MAPK4: variants seen among roughly 807,000 people sequenced by gnomAD.
The protein encoded by MAPK4 is Erk3-related.
A neutral mutation model predicts 47.7 loss-of-function variants in MAPK4; 22 were observed. That is an observed-to-expected ratio of 0.46 (90% CI 0.33 to 0.66). MAPK4 has a LOEUF of 0.66. Ranked by LOEUF, MAPK4 falls within the 30% of genes least tolerant of loss-of-function variation. MAPK4 has a pLI of 0.02. For synonymous variants in MAPK4, 390 were observed against 365.7 expected (o/e 1.07, Z -0.76); for missense variants, 736 against 831.7 (o/e 0.88, Z 1.42).
At chr18:50,657,466 C>A (rs2043121987) in intron 1 of MAPK4, among the ~76,000 whole-genome samples, 1 of 152,138 alleles carries the variant, frequency 6.6e-6, no homozygotes, top group Non-Finnish European at 1.5e-5. Flanking sequence ...AGGCCGGAGT[C>A]ATTGTGTAAT....
intron 1 of MAPK4, among the ~76,000 whole-genome samples, chr18:50,571,743 A>G (rs1175666348): frequency 6.6e-6 from 1 of 152,226 alleles, no homozygotes; most frequent in African/African-American, 2.4e-5. Context: ...TCTGCTAATA[A>G]GAGATAATAT....
chr18:50,626,081 A>C (rs1239947558), intron 1 of MAPK4, among the ~76,000 whole-genome samples: 4 of 152,124 alleles, frequency 2.6e-5, no homozygotes, highest in Non-Finnish European at 5.9e-5. Flanking sequence ...ATTCCTTCTC[A>C]CTCAGGGGAA....
chr18:50,626,844 G>A (rs995120280), intron 1 of MAPK4, among the ~76,000 whole-genome samples: 4 of 152,138 alleles, frequency 2.6e-5, no homozygotes, highest in Non-Finnish European at 1.5e-5. Flanking sequence ...GACTCTTTGC[G>A]CTTGCACGTG....
chr18:50,709,669 T>C (rs892568065), intron 2 of MAPK4, among the ~76,000 whole-genome samples: 12 of 152,026 alleles, frequency 7.9e-5, no homozygotes, highest in East Asian at 3.9e-4. Flanking sequence ...AAGCATGTCA[T>C]TGGGGATGGG....
chr18:50,575,163 T>C (rs35818539), intron 1 of MAPK4, among the ~76,000 whole-genome samples: 9,108 of 152,274 alleles, frequency 0.06, 357 homozygotes, highest in Non-Finnish European at 0.087. Context: ...GTTTGGTCCC[T>C]TTCTTGCCTT....
intron 1 of MAPK4, among the ~76,000 whole-genome samples, chr18:50,654,000 T>C (rs568992155): frequency 6.6e-6 from 1 of 152,338 alleles, no homozygotes; most frequent in East Asian, 1.9e-4. Context: ...AGGACTTTGA[T>C]TCTCCTGGCT....
chr18:50,606,786 A>T (rs2042586580), intron 1 of MAPK4, among the ~76,000 whole-genome samples: 1 of 152,228 alleles, frequency 6.6e-6, no homozygotes, highest in African/African-American at 2.4e-5. Flanking sequence ...GTGTGGCAGT[A>T]AAACTTCATG....
At chr18:50,615,223 C>T (rs1289493899) in intron 1 of MAPK4, among the ~76,000 whole-genome samples, 1 of 152,066 alleles carries the variant, frequency 6.6e-6, no homozygotes, top group African/African-American at 2.4e-5. Context: ...TCCAGGGCTT[C>T]CTGATGAAGG....
At chr18:50,694,137 C>T (rs1406073444) in intron 2 of MAPK4, among the ~76,000 whole-genome samples, 2 of 152,218 alleles carry the variant, frequency 1.3e-5, no homozygotes, top group Admixed American at 6.5e-5. Context: ...CAAAGAAAGT[C>T]GTGGGCTGTG....
At chr18:50,706,306 A>C (rs1488615294) in intron 2 of MAPK4, among the ~76,000 whole-genome samples, 2 of 152,094 alleles carry the variant, frequency 1.3e-5, no homozygotes, top group African/African-American at 2.4e-5. Context: ...AGGTGAACTC[A>C]AGACCTCTAG....
intron 1 of MAPK4, among the ~76,000 whole-genome samples, chr18:50,651,963 A>G (rs1013629817): frequency 6.6e-6 from 1 of 152,220 alleles, no homozygotes; most frequent in African/African-American, 2.4e-5. Flanking sequence ...ACCAGCCCCT[A>G]CAGCCCACTT....
At position 50,678,324 on chromosome 18, in the gene MAPK4, G is replaced by C. The variant is rs773939948; in HGVS notation, c.546+13820G>C. Among the ~76,000 whole-genome samples, 1 of 152,192 alleles carries C rather than the reference G, an allele frequency of 6.6e-6. No individual in the cohort carries two copies. Among genetic ancestry groups the C allele is most frequent in the African/African-American group, 2.4e-5 (1 of 41,446 alleles). On this transcript the variant is annotated intron_variant, in intron 2 of 5. Coordinates refer to ENST00000400384, the MANE Select transcript of MAPK4 (RefSeq NM_002747.4). This position sits in a 1 kb window ranked among gnomAD's most constrained non-coding sequence, Gnocchi z 4.2. ...AGAATACAGAGCCCCCTTAAATGTTGACACATTTGCAATTTGGCCAAAGCC... is the reference window on the plus strand; with the variant it reads ...AGAATACAGAGCCCCCTTAAATGTTCACACATTTGCAATTTGGCCAAAGCC...
intron 4 of MAPK4, among the ~76,000 whole-genome samples, chr18:50,723,002 G>C (rs181176736): frequency 3.2e-4 from 49 of 152,314 alleles, no homozygotes; most frequent in African/African-American, 1.1e-3. Context: ...CGGGGAGGGT[G>C]AGCCTAGGGA....
intron 2 of MAPK4, among the ~76,000 whole-genome samples, chr18:50,703,022 T>A (rs1909872042): frequency 6.6e-6 from 1 of 152,228 alleles, no homozygotes. Flanking sequence ...GCAGAAAAGA[T>A]GTGGTTCCCT....
chr18:50,622,740 A>G (rs2042743520), intron 1 of MAPK4, among the ~76,000 whole-genome samples: 1 of 152,252 alleles, frequency 6.6e-6, no homozygotes, highest in African/African-American at 2.4e-5. Flanking sequence ...TGTTTAAAGA[A>G]TAATAATGAA....
At chr18:50,596,768 G>T (rs111550438) in intron 1 of MAPK4, among the ~76,000 whole-genome samples, 99 of 152,322 alleles carry the variant, frequency 6.5e-4, no homozygotes, top group Middle Eastern at 3.4e-3. Flanking sequence ...ATTAGCCATA[G>T]ATTCTGTAAA....
chr18:50,688,282 A>G (rs990944527), intron 2 of MAPK4, among the ~76,000 whole-genome samples: 5 of 152,180 alleles, frequency 3.3e-5, no homozygotes, highest in African/African-American at 1.2e-4. Flanking sequence ...GGAGGTGCTG[A>G]GTTCTGCAGA....
At chr18:50,706,787 C>A (rs1910080987) in intron 2 of MAPK4, among the ~76,000 whole-genome samples, 1 of 152,216 alleles carries the variant, frequency 6.6e-6, no homozygotes, top group African/African-American at 2.4e-5. Flanking sequence ...AGCAGCCCAA[C>A]CAAATCATCC....
chr18:50,642,863 C>G (rs997575826), intron 1 of MAPK4, among the ~76,000 whole-genome samples: 12 of 152,218 alleles, frequency 7.9e-5, no homozygotes, highest in African/African-American at 2.9e-4. Context: ...CCTTGGCCTC[C>G]CAAAACGCTG....
Sources: gnomAD v4.1 joint callset for allele counts (sites outside exome capture counted in the v4.1 genomes callset) on GRCh38, gnomAD v4.1.1 for gene constraint, Gnocchi (gnomAD v3.1) non-coding constraint, MANE v1.5 for transcripts, NCBI Gene and HGNC (gene_info 2026-07-23, HGNC 2026-07-21) for gene names.